MARCKS: variants seen among roughly 807,000 people sequenced by gnomAD.
MARCKS encodes myristoylated alanine-rich C-kinase substrate.
In MARCKS, 4 loss-of-function variants were observed where a neutral mutation model predicts 6.3. The ratio of observed to expected loss-of-function variants is 0.63; its 90% CI spans 0.31 to 1.45. MARCKS has a LOEUF of 1.45. Ranked by LOEUF, MARCKS falls within the 40% of genes most tolerant of loss-of-function variation. MARCKS has a pLI of 0.07. For synonymous variants in MARCKS, 289 were observed against 236.5 expected (o/e 1.22, Z -2.04); for missense variants, 636 against 485.7 (o/e 1.31, Z -2.91).
At chr6:113,859,273 A>G (rs1009008526) in intron 1 of MARCKS, among the ~76,000 whole-genome samples, 10 of 152,344 alleles carry the variant, frequency 6.6e-5, no homozygotes, top group Middle Eastern at 3.4e-3. Context: ...GCGAACCACC[A>G]GCTCTGGCTC....
chr6:113,859,210 T>G (rs925782343), intron 1 of MARCKS, among the ~76,000 whole-genome samples: 2 of 152,162 alleles, frequency 1.3e-5, no homozygotes, highest in South Asian at 2.1e-4. Flanking sequence ...ATTCCTGGTA[T>G]TTTGAAGAGG....
Position 113,860,734 on chromosome 6 carries a change from TG to T in MARCKS, c.*156del. 2 of 458,238 alleles carry T rather than the reference TG, an allele frequency of 4.4e-6. No homozygotes were observed. The allele number at this position is 458,238 out of a possible 1,614,324, so 28.4% of individuals were successfully genotyped here. A position where few individuals can be genotyped will look rare whatever the true frequency, so the allele number is the denominator to read the frequency against. ...TTACTTTTTTTTAAGCACCAAATTTTGTTGTTTTTTTTTTTTCTCCCCTCCC... is the reference window on the plus strand; with the variant it reads ...TTACTTTTTTTTAAGCACCAAATTTTTTGTTTTTTTTTTTTCTCCCCTCCC... On this transcript the variant is annotated 3_prime_UTR_variant, in exon 2 of 2. Coordinates refer to ENST00000612661, the MANE Select transcript of MARCKS (RefSeq NM_002356.7).
Position 113,860,198 on chromosome 6 carries a change from G to C in MARCKS, c.618G>C (p.Glu206Asp), listed in dbSNP as rs1774868604. 5.3e-6 allele frequency: 6 copies of C among 1,133,334 alleles called. No homozygotes were observed. The highest frequency in any genetic ancestry group is 3.3e-6 in the Non-Finnish European group (3 of 920,902). 70.2% of individuals were successfully genotyped at this position (1,133,334 alleles called of 1,614,324 possible). The change falls in exon 2 of 2, where the codon GAG becomes GAC. Residue 206 changes from glutamate (E) to aspartate (D), a missense_variant. Transcript: ENST00000612661. ...AAGGAAAAAA[E>D]AGAASGEQAA... is the part of the protein sequence containing the mutation. ...GGGGCGCAGCTGCGGCCGCCGCCGA[G>C]GCGGGCGCGGCCTCCGGGGAGCAGG...
intron 1 of MARCKS, 101 bp downstream of exon 1, chr6:113,857,948 T>C: frequency 9.8e-7 from 1 of 1,019,304 alleles, no homozygotes; most frequent in Admixed American, 2.0e-5. Context: ...GTGGCTGGAT[T>C]CTAGTCTGAA....
rs1486710438 is a variant in MARCKS, at chr6:113,860,076, C to G, written c.496C>G (p.Leu166Val). 6.3e-7 allele frequency: 1 copy of G among 1,575,462 alleles called. No homozygotes were observed. The highest frequency in any genetic ancestry group is 1.8e-5 in the Admixed American group (1 of 56,504). Reference sequence around the variant, plus strand: ...CTTTTCCTTCAAGAAGTCTTTCAAGCTGAGCGGCTTCTCCTTCAAGAAGAA... The same window carrying G: ...CTTTTCCTTCAAGAAGTCTTTCAAGGTGAGCGGCTTCTCCTTCAAGAAGAA... ...KRFSFKKSFK[L>V]SGFSFKKNKK... The change falls in exon 2 of 2, where the codon CTG (leucine) becomes GTG (valine). Residue 166 changes from leucine (L) to valine (V), a missense_variant. Physicochemically the swap from Leu to Val is conservative, Grantham distance 32. Coordinates refer to ENST00000612661, the MANE Select transcript of MARCKS (RefSeq NM_002356.7).
At position 113,859,874 on chromosome 6, in the gene MARCKS, C is replaced by G; in HGVS notation, c.294C>G (p.Ala98=). 7.3e-7 allele frequency: 1 copy of G among 1,376,212 alleles called. No individual in the cohort carries two copies. The highest frequency in any genetic ancestry group is 9.4e-7 in the Non-Finnish European group (1 of 1,066,472). 85.3% of individuals were successfully genotyped at this position (1,376,212 alleles called of 1,614,324 possible). A position where few individuals can be genotyped will look rare whatever the true frequency, so the allele number is the denominator to read the frequency against. Residue 98 remains alanine (A), a synonymous_variant, in exon 2 of 2, where the codon GCC becomes GCG. Coordinates refer to ENST00000612661, the MANE Select transcript of MARCKS (RefSeq NM_002356.7). ...CGGCCGCCGCCGCTGCCCCCGAGGC[C>G]GGGGCCAGCCCGGTAGAGAAGGAGG... The part of the protein sequence containing the change: ...GEPAAAAAPE[A]GASPVEKEAP...
chr6:113,859,867 C>G lies in MARCKS; in HGVS notation c.287C>G (p.Pro96Arg). 1 of 1,347,408 alleles carries G rather than the reference C, an allele frequency of 7.4e-7. No homozygotes were observed. The allele number at this position is 1,347,408 out of a possible 1,614,324, so 83.5% of individuals were successfully genotyped here. ...EKGEPAAAAA[P>R]EAGASPVEKE... ...GGTGAGCCGGCCGCCGCCGCTGCCC[C>G]CGAGGCCGGGGCCAGCCCGGTAGAG... Residue 96 changes from proline (P) to arginine (R), a missense_variant, in exon 2 of 2, where the codon CCC (proline) becomes CGC (arginine). Transcript: ENST00000612661.
rs763294989 is a variant in MARCKS, at chr6:113,860,426, C to T, written c.846C>T (p.Pro282=). The T allele has an allele frequency of 6.9e-6, 8 of 1,153,042 alleles. No individual in the cohort carries two copies. The South Asian group carries it at 1.4e-4, about 21-fold the overall frequency. The allele number at this position is 1,153,042 out of a possible 1,614,324, so 71.4% of individuals were successfully genotyped here. ...CCAGCGCCGCCGCCTGCGAGGCCCC[C>T]TCCGCCGCCGGGCCCGGCGCGCCCC... The part of the protein sequence containing the change: ...AGASAAACEA[P]SAAGPGAPPE... The change falls in exon 2 of 2, where the codon CCC becomes CCT. Residue 282 remains proline, a synonymous_variant. Coordinates refer to ENST00000612661, the MANE Select transcript of MARCKS (RefSeq NM_002356.7).
Position 113,859,675 on chromosome 6 carries a change from C to A in MARCKS, c.103-8C>A. Reference sequence around the variant, plus strand: ...TTCAGTGACGCTCCCGCTTTCTCTGCCCCTTAGGAGAATGGCCACGTGAAG... The same window carrying A: ...TTCAGTGACGCTCCCGCTTTCTCTGACCCTTAGGAGAATGGCCACGTGAAG... On this transcript the variant is annotated splice_region_variant and splice_polypyrimidine_tract_variant and intron_variant, in intron 1 of 1. Transcript: ENST00000612661. 1.3e-6 allele frequency: 2 copies of A among 1,494,314 alleles called. No homozygotes were observed. Among genetic ancestry groups the A allele is most frequent in the Non-Finnish European group, 1.8e-6 (2 of 1,122,382 alleles). The allele number at this position is 1,494,314 out of a possible 1,614,324, so 92.6% of individuals were successfully genotyped here.
In MARCKS at chr6:113,860,072, C is replaced by A. The variant is rs780371708; in HGVS notation, c.492C>A (p.Phe164Leu). 1 of 1,576,458 alleles carries A rather than the reference C, an allele frequency of 6.3e-7. No homozygotes were observed. The highest frequency in any genetic ancestry group is 8.6e-7 in the Non-Finnish European group (1 of 1,162,218). Reference sequence around the variant, plus strand: ...AGCGCTTTTCCTTCAAGAAGTCTTTCAAGCTGAGCGGCTTCTCCTTCAAGA... The same window carrying A: ...AGCGCTTTTCCTTCAAGAAGTCTTTAAAGCTGAGCGGCTTCTCCTTCAAGA... Reference protein sequence around the residue: ...KKKRFSFKKSFKLSGFSFKKN... With the variant: ...KKKRFSFKKSLKLSGFSFKKN... Residue 164 changes from phenylalanine (F) to leucine (L), a missense_variant, in exon 2 of 2, where the codon TTC becomes TTA. Coordinates refer to ENST00000612661, the MANE Select transcript of MARCKS (RefSeq NM_002356.7).
At position 113,860,435 on chromosome 6, in the gene MARCKS, C is replaced by T; in HGVS notation, c.855C>T (p.Ala285=). The change falls in exon 2 of 2, where the codon GCC becomes GCT. Residue 285 remains alanine (A), a synonymous_variant. Transcript: ENST00000612661. The part of the protein sequence containing the change: ...SAAACEAPSA[A]GPGAPPEQEA... ...CCGCCTGCGAGGCCCCCTCCGCCGCCGGGCCCGGCGCGCCCCCGGAGCAGG... is the reference window on the plus strand; with the variant it reads ...CCGCCTGCGAGGCCCCCTCCGCCGCTGGGCCCGGCGCGCCCCCGGAGCAGG... 2 of 1,160,476 alleles carry T rather than the reference C, an allele frequency of 1.7e-6. No individual in the cohort carries two copies. Among genetic ancestry groups the T allele is most frequent in the Non-Finnish European group, 1.1e-6 (1 of 933,284 alleles). The allele number at this position is 1,160,476 out of a possible 1,614,324, so 71.9% of individuals were successfully genotyped here. A position where few individuals can be genotyped will look rare whatever the true frequency, so the allele number is the denominator to read the frequency against.
At position 113,857,396 on chromosome 6, in the gene MARCKS, A is replaced by AT. The variant is rs1158044022; in HGVS notation, c.-346dup. The AT allele has an allele frequency of 4.3e-6, 1 of 233,590 alleles. No individual in the cohort carries two copies. The highest frequency in any genetic ancestry group is 8.4e-6 in the Non-Finnish European group (1 of 118,628). The allele number at this position is 233,590 out of a possible 1,614,324, so 14.5% of individuals were successfully genotyped here. On this transcript the variant is annotated 5_prime_UTR_variant, in exon 1 of 2. Coordinates refer to ENST00000612661, the MANE Select transcript of MARCKS (RefSeq NM_002356.7). ...TATTAGCAACCAGGGAGATTTCTCC[A>AT]TTTTCCTCTTGTCTACAGTGCGGCT...
Position 113,859,947 on chromosome 6 carries a change from G to C in MARCKS, c.367G>C (p.Glu123Gln), listed in dbSNP as rs751349905. ...AAEPGSPTAA[E>Q]GEAASAASST... is the part of the protein sequence containing the mutation. ...CGAGCCCGGCTCGCCCACGGCCGCG[G>C]AGGGAGAGGCCGCGTCGGCCGCCTC... Residue 123 changes from glutamate (E) to glutamine (Q), a missense_variant, in exon 2 of 2, where the codon GAG becomes CAG. Transcript: ENST00000612661. The C allele has an allele frequency of 6.0e-6, 9 of 1,499,480 alleles. No homozygotes were observed. Among genetic ancestry groups the C allele is most frequent in the Non-Finnish European group, 7.1e-6 (8 of 1,130,030 alleles). 92.9% of individuals were successfully genotyped at this position (1,499,480 alleles called of 1,614,324 possible).
Position 113,857,786 on chromosome 6 carries a change from C to T in MARCKS, c.41C>T (p.Ala14Val). 6.2e-7 allele frequency: 1 copy of T among 1,609,320 alleles called. No homozygotes were observed. The change falls in exon 1 of 2, where the codon GCC becomes GTC. Residue 14 changes from alanine (A) to valine (V), a missense_variant. Ala to Val is a moderately conservative substitution (Grantham distance 64). Transcript: ENST00000612661. ...QFSKTAAKGE[A>V]AAERPGEAAV... The stretch of plus-strand genomic sequence containing the variant: ...TCCAAGACCGCAGCGAAGGGAGAAG[C>T]CGCCGCGGAGAGGCCTGGGGAGGCG...
chr6:113,857,688 C>T lies in MARCKS; in HGVS notation c.-58C>T. The T allele has an allele frequency of 3.6e-6, 5 of 1,399,948 alleles. No homozygotes were observed. In the South Asian group the frequency reaches 4.9e-5, roughly 14 times the overall value. The allele number at this position is 1,399,948 out of a possible 1,614,324, so 86.7% of individuals were successfully genotyped here. A position where few individuals can be genotyped will look rare whatever the true frequency, so the allele number is the denominator to read the frequency against. On this transcript the variant is annotated 5_prime_UTR_variant, in exon 1 of 2. Coordinates refer to ENST00000612661, the MANE Select transcript of MARCKS (RefSeq NM_002356.7). ...CTGCTCGCCCCGTCGTTACACCAAC[C>T]CGAGGCTCTTTGTTTCCCCTCTTGG...
chr6:113,860,524 A>C lies in MARCKS; in HGVS notation c.944A>C (p.Gln315Pro). The C allele has an allele frequency of 6.4e-7, 1 of 1,553,222 alleles. No homozygotes were observed. Among genetic ancestry groups the C allele is most frequent in the Non-Finnish European group, 8.7e-7 (1 of 1,154,064 alleles). ...AASSACAAPS[Q>P]EAQPECSPEA... is the part of the protein sequence containing the mutation. ...TCGTCAGCCTGCGCAGCCCCCTCAC[A>C]GGAGGCCCAGCCCGAGTGCAGTCCA... Residue 315 changes from glutamine to proline, a missense_variant, in exon 2 of 2, where the codon CAG becomes CCG. Physicochemically the swap from Gln to Pro is moderately conservative, Grantham distance 76 (BLOSUM62 -1). Transcript: ENST00000612661.
In MARCKS at chr6:113,860,038, A is replaced by C; in HGVS notation, c.458A>C (p.Lys153Thr). The change falls in exon 2 of 2, where the codon AAA becomes ACA. Residue 153 changes from lysine (K) to threonine (T), a missense_variant. Transcript: ENST00000612661. Reference protein sequence around the residue: ...TPSPSNETPKKKKKRFSFKKS... With the variant: ...TPSPSNETPKTKKKRFSFKKS... The stretch of plus-strand genomic sequence containing the variant: ...TCGCCCAGCAACGAGACCCCGAAAA[A>C]AAAAAAGAAGCGCTTTTCCTTCAAG... 1 of 1,573,332 alleles carries C rather than the reference A, an allele frequency of 6.4e-7. No homozygotes were observed. Among genetic ancestry groups the C allele is most frequent in the Non-Finnish European group, 8.6e-7 (1 of 1,162,466 alleles).
intron 1 of MARCKS, 78 bp downstream of exon 1, chr6:113,857,925 C>CAAG (rs1774813343): frequency 8.4e-7 from 1 of 1,183,868 alleles, no homozygotes; most frequent in Non-Finnish European, 1.2e-6. Context: ...AAGGCTCATT[C>CAAG]GTGGAGAGGA....
In MARCKS at chr6:113,860,529, G is replaced by T; in HGVS notation, c.949G>T (p.Ala317Ser). ...SSACAAPSQE[A>S]QPECSPEAPP... ...AGCCTGCGCAGCCCCCTCACAGGAG[G>T]CCCAGCCCGAGTGCAGTCCAGAAGC... The change falls in exon 2 of 2, where the codon GCC becomes TCC. Residue 317 changes from alanine to serine, a missense_variant. By Grantham distance (99) the Ala-to-Ser change is moderately conservative. Coordinates refer to ENST00000612661, the MANE Select transcript of MARCKS (RefSeq NM_002356.7). 6.4e-7 allele frequency: 1 copy of T among 1,558,356 alleles called. No homozygotes were observed. The highest frequency in any genetic ancestry group is 1.2e-5 in the South Asian group (1 of 86,334).
Sources: allele counts gnomAD v4.1 joint callset (sites outside exome capture counted in the v4.1 genomes callset), GRCh38; gene constraint gnomAD v4.1.1; transcripts MANE v1.5; gene names NCBI Gene and HGNC (gene_info 2026-07-23, HGNC 2026-07-21).